KAZN: variants seen among roughly 807,000 people sequenced by gnomAD.
KAZN encodes the protein kazrin, periplakin interacting protein.
In KAZN, 40 loss-of-function variants were observed where a neutral mutation model predicts 87.4. The ratio of observed to expected loss-of-function variants is 0.46; its 90% CI spans 0.36 to 0.60. The LOEUF (loss-of-function observed/expected upper bound fraction) is 0.60. Ranked by LOEUF, KAZN falls within the 20% of genes least tolerant of loss-of-function variation. The pLI is 0.00. For missense variants in KAZN, 898 were observed against 1,073.9 expected, an observed-to-expected ratio of 0.84 and a Z score of 2.29; for synonymous variants, 466 against 458.3, an observed-to-expected ratio of 1.02 and a Z score of -0.22.
chr1:14,689,910 C>T (rs971870330), intron 1 of KAZN, among the ~76,000 whole-genome samples: 5 of 152,186 alleles, frequency 3.3e-5, no homozygotes, highest in Non-Finnish European at 7.4e-5. Context: ...AACATCATTT[C>T]CCAGGGTTAT....
At chr1:14,073,097 C>G (rs1352309823) in intron 1 of KAZN, among the ~76,000 whole-genome samples, 1 of 152,154 alleles carries the variant, frequency 6.6e-6, no homozygotes, top group Non-Finnish European at 1.5e-5. Context: ...ACATCTCACC[C>G]AAGGCACCTG....
chr1:14,020,747 G>A (rs1232244111), intron 1 of KAZN, among the ~76,000 whole-genome samples: 1 of 152,166 alleles, frequency 6.6e-6, no homozygotes, highest in Non-Finnish European at 1.5e-5. Context: ...CTGAGTTCCA[G>A]CAAAGTTTTC....
intron 8 of KAZN, among the ~76,000 whole-genome samples, chr1:15,085,209 G>T (rs1285998957): frequency 6.6e-6 from 1 of 152,174 alleles, no homozygotes; most frequent in Admixed American, 6.5e-5. Flanking sequence ...AGAAATTGCT[G>T]TATCGAATAC....
intron 1 of KAZN, among the ~76,000 whole-genome samples, chr1:13,962,172 T>C (rs759680068): frequency 9.9e-5 from 15 of 151,810 alleles, no homozygotes; most frequent in Non-Finnish European, 1.6e-4. Context: ...TTCTGAGCTG[T>C]GGGAACAGCC....
chr1:14,199,126 T>C (rs1046375046), intron 2 of KAZN, among the ~76,000 whole-genome samples: 2 of 152,218 alleles, frequency 1.3e-5, no homozygotes, highest in East Asian at 3.9e-4. Flanking sequence ...TACTCCTTAC[T>C]GACATTGCAA....
intron 1 of KAZN, among the ~76,000 whole-genome samples, chr1:14,868,756 A>T (rs907290417): frequency 6.6e-6 from 1 of 151,262 alleles, no homozygotes; most frequent in African/African-American, 2.4e-5. Flanking sequence ...GGGTGGGGGG[A>T]TCTCTTGAGC....
chr1:14,359,713 A>G (rs1358758003), intron 2 of KAZN, among the ~76,000 whole-genome samples: 1 of 152,210 alleles, frequency 6.6e-6, no homozygotes, highest in Non-Finnish European at 1.5e-5. Flanking sequence ...TTGGCTGGAT[A>G]TGAAATTCTG....
At chr1:14,189,986 A>G (rs1646390959) in intron 2 of KAZN, among the ~76,000 whole-genome samples, 1 of 152,266 alleles carries the variant, frequency 6.6e-6, no homozygotes, top group Middle Eastern at 3.4e-3. Flanking sequence ...TTATACCCCT[A>G]TATGTGCACA....
At chr1:14,343,118 C>A (rs1657861727) in intron 2 of KAZN, among the ~76,000 whole-genome samples, 1 of 152,106 alleles carries the variant, frequency 6.6e-6, no homozygotes, top group African/African-American at 2.4e-5. Flanking sequence ...TGCACTCCAG[C>A]CTGGGAGACA....
At chr1:14,677,284 A>C (rs1281065227) in intron 1 of KAZN, among the ~76,000 whole-genome samples, 3 of 152,182 alleles carry the variant, frequency 2.0e-5, no homozygotes, top group African/African-American at 7.2e-5. Context: ...AGGGCTTCTG[A>C]GGGATAATGA....
At chr1:14,468,460 G>A (rs769928249) in intron 2 of KAZN, among the ~76,000 whole-genome samples, 7 of 152,138 alleles carry the variant, frequency 4.6e-5, no homozygotes, top group Non-Finnish European at 7.3e-5. Context: ...GAAGATCAGC[G>A]ATCTAGCCAA....
intron 1 of KAZN, among the ~76,000 whole-genome samples, chr1:14,145,147 C>G (rs1645318973): frequency 6.6e-6 from 1 of 152,166 alleles, no homozygotes; most frequent in African/African-American, 2.4e-5. Context: ...GTTCTCTTCC[C>G]TTACAATAGT....
At position 15,016,183 on chromosome 1, in the gene KAZN, C is replaced by T. The variant is rs115963510; in HGVS notation, c.419-18566C>T. On this transcript the variant is annotated intron_variant, in intron 2 of 14. Coordinates refer to ENST00000376030, the MANE Select transcript of KAZN (RefSeq NM_201628.3). ...GGTGACACATCTACAGGCCGACGGACGCCAGGGACTGTGGCGAAACTGGAA... is the reference window on the plus strand; with the variant it reads ...GGTGACACATCTACAGGCCGACGGATGCCAGGGACTGTGGCGAAACTGGAA... Among the ~76,000 whole-genome samples the T allele has an allele frequency of 4.4e-3, 676 of 152,260 alleles. 11 individuals carry two copies. The highest frequency in any genetic ancestry group is 0.016 in the African/African-American group (644 of 41,512).
chr1:14,296,629 CTTTTT>C (rs775666706), intron 2 of KAZN, among the ~76,000 whole-genome samples: 3 of 82,764 alleles, frequency 3.6e-5, no homozygotes, highest in African/African-American at 1.5e-4. Context: ...TTTTGTATTT[CTTTTT>C]TTTTTTTTTT....
intron 1 of KAZN, among the ~76,000 whole-genome samples, chr1:14,910,960 A>G (rs1378939209): frequency 6.6e-6 from 1 of 152,208 alleles, no homozygotes; most frequent in African/African-American, 2.4e-5. Context: ...AAGTTTTGCA[A>G]CCTTTCCTAT....
intron 2 of KAZN, among the ~76,000 whole-genome samples, chr1:14,983,141 A>G (rs1666429437): frequency 6.6e-6 from 1 of 152,206 alleles, no homozygotes. Context: ...CCAGAGACCC[A>G]AAGCACCCTT....
At chr1:14,457,772 A>C (rs1667642708) in intron 2 of KAZN, among the ~76,000 whole-genome samples, 1 of 149,678 alleles carries the variant, frequency 6.7e-6, no homozygotes, top group African/African-American at 2.5e-5. Flanking sequence ...GCGTTTTTAA[A>C]TTTTCTTCAT....
At chr1:14,552,145 A>T (rs1271356624) in intron 2 of KAZN, among the ~76,000 whole-genome samples, 1 of 152,208 alleles carries the variant, frequency 6.6e-6, no homozygotes, top group Non-Finnish European at 1.5e-5. Flanking sequence ...AGTTTAAAGT[A>T]TAGATGGCTG....
intron 14 of KAZN, 117 bp downstream of exon 14, chr1:15,112,658 G>A (rs1641691180): frequency 1.5e-6 from 1 of 670,244 alleles, no homozygotes; most frequent in South Asian, 1.8e-5. Flanking sequence ...TGCCAGGCCG[G>A]GTCACGGGGG....
Sources: allele counts gnomAD v4.1 joint callset (sites outside exome capture counted in the v4.1 genomes callset), GRCh38; gene constraint gnomAD v4.1.1; transcripts MANE v1.5; gene names NCBI Gene and HGNC (gene_info 2026-07-23, HGNC 2026-07-21).